The following NRXN1 variants were observed in gnomAD, a reference collection of about 807,000 sequenced individuals.
NRXN1 encodes the protein neurexin 1, also known as neurexin-1.
NRXN1 carries 39 observed loss-of-function variants against 150.9 expected under a neutral mutation model. The observed-to-expected ratio is 0.26, with a 90% CI of 0.20 to 0.34. NRXN1 has a LOEUF of 0.34. Among genes scored for constraint, NRXN1 ranks in the 10% least tolerant of loss-of-function variants. The pLI is 1.00. For synonymous variants in NRXN1, 924 were observed against 757.0 expected (o/e 1.22, Z -3.62); for missense variants, 1,815 against 1,949.9 (o/e 0.93, Z 1.30).
At chr2:49,979,324 G>A (rs1459966238) in intron 21 of NRXN1, among the ~76,000 whole-genome samples, 1 of 151,892 alleles carries the variant, frequency 6.6e-6, no homozygotes, top group African/African-American at 2.4e-5. Flanking sequence ...TAGAGGGAGG[G>A]GAAAAGTTGA....
At chr2:50,369,500 C>A (rs1265866378) in intron 17 of NRXN1, among the ~76,000 whole-genome samples, 1 of 151,776 alleles carries the variant, frequency 6.6e-6, no homozygotes, top group African/African-American at 2.4e-5. Context: ...ATAAATAGGC[C>A]CAAATAATTT....
In NRXN1 at chr2:50,179,917, T is replaced by A. The variant is rs1426557151; in HGVS notation, c.3546+56872A>T. Among the ~76,000 whole-genome samples the A allele has an allele frequency of 2.0e-5, 3 of 152,296 alleles. No homozygotes were observed. The South Asian group carries it at 6.2e-4, about 32-fold the overall frequency. On this transcript the variant is annotated intron_variant, in intron 18 of 22. Transcript: ENST00000401669. ...TACAAATAATCGGTTTGATTTTTCA[T>A]ACCACGATTTTGATTAAGCACTGTG...
At chr2:50,808,131 T>C in intron 5 of NRXN1, among the ~76,000 whole-genome samples, 1 of 152,086 alleles carries the variant, frequency 6.6e-6, no homozygotes, top group East Asian at 1.9e-4. Context: ...GTGTTTAGGA[T>C]TCTCCATGTC....
intron 5 of NRXN1, among the ~76,000 whole-genome samples, chr2:50,883,444 G>A (rs1258348889): frequency 6.8e-6 from 1 of 147,432 alleles, no homozygotes. Flanking sequence ...TGCATTTTAA[G>A]TATTTGTACA....
intron 18 of NRXN1, among the ~76,000 whole-genome samples, chr2:50,173,222 T>G (rs922606884): frequency 6.6e-6 from 1 of 152,158 alleles, no homozygotes; most frequent in Admixed American, 6.5e-5. Context: ...CAGAAAAGAT[T>G]TGAAACTCAT....
At chr2:50,945,518 CTATA>C (rs56782252) in intron 2 of NRXN1, among the ~76,000 whole-genome samples, 33 of 147,216 alleles carry the variant, frequency 2.2e-4, no homozygotes, top group Admixed American at 2.0e-4. Context: ...CTCTCTCTTA[CTATA>C]TATATATATA....
intron 17 of NRXN1, among the ~76,000 whole-genome samples, chr2:50,445,607 T>C (rs1205633972): frequency 6.6e-6 from 1 of 152,244 alleles, no homozygotes. Context: ...TGCTTATCTT[T>C]GTATCCTTAG....
chr2:50,627,638 G>A (rs909639460), intron 5 of NRXN1, among the ~76,000 whole-genome samples: 1 of 114,810 alleles, frequency 8.7e-6, no homozygotes, highest in Admixed American at 8.8e-5. Context: ...ACACACACAC[G>A]AGAGATCCAC....
intron 12 of NRXN1, among the ~76,000 whole-genome samples, chr2:50,528,247 T>C (rs1487513882): frequency 1.3e-5 from 2 of 151,762 alleles, no homozygotes. Context: ...AAGTATTTTT[T>C]TTTGTATTTG....
Position 50,417,592 on chromosome 2 carries a change from T to A in NRXN1, c.3364+47850A>T, listed in dbSNP as rs537584794. ...TTGGTCCAGAAGACAAATTCCAAGC[T>A]CCTACAGAGTCTGATGGCTTTACAA... is the stretch of plus-strand genomic sequence containing the variant. On this transcript the variant is annotated intron_variant, in intron 17 of 22. Transcript: ENST00000401669. Among the ~76,000 whole-genome samples the A allele has an allele frequency of 1.2e-3, 189 of 151,866 alleles. 1 individual carries two copies. Among genetic ancestry groups the A allele is most frequent in the Non-Finnish European group, 1.8e-3 (122 of 67,938 alleles).
At chr2:50,973,927 T>C (rs1404327235) in intron 2 of NRXN1, among the ~76,000 whole-genome samples, 1 of 152,128 alleles carries the variant, frequency 6.6e-6, no homozygotes, top group Non-Finnish European at 1.5e-5. Context: ...TTAAAAACTA[T>C]GGCATGTAAT....
At chr2:50,829,751 T>A (rs540055506) in intron 5 of NRXN1, 1 of 1,574,898 alleles carries the variant, frequency 6.3e-7, no homozygotes. Flanking sequence ...TTGCACGGCA[T>A]GGCCCGCTTA....
At chr2:50,065,316 C>A (rs1194404994) in intron 19 of NRXN1, among the ~76,000 whole-genome samples, 1 of 151,974 alleles carries the variant, frequency 6.6e-6, no homozygotes, top group Non-Finnish European at 1.5e-5. Context: ...GAAAGAGGGA[C>A]CATTTGAATC....
chr2:50,966,491 G>T (rs900366677), intron 2 of NRXN1, among the ~76,000 whole-genome samples: 1 of 151,716 alleles, frequency 6.6e-6, no homozygotes, highest in Admixed American at 6.6e-5. Context: ...TGAGGAAAAG[G>T]TTACATCTCT....
intron 8 of NRXN1, among the ~76,000 whole-genome samples, chr2:50,603,261 G>A (rs985959796): frequency 6.6e-6 from 1 of 152,114 alleles, no homozygotes; most frequent in Non-Finnish European, 1.5e-5. Context: ...ACCAGCTTCA[G>A]GTTTAAAGCA....
intron 5 of NRXN1, among the ~76,000 whole-genome samples, chr2:50,781,509 T>A (rs1359958829): frequency 1.3e-5 from 2 of 151,716 alleles, no homozygotes; most frequent in South Asian, 4.2e-4. Context: ...GGAAGGAGAG[T>A]GATTCAAAGG....
intron 2 of NRXN1, among the ~76,000 whole-genome samples, chr2:50,978,362 T>C: frequency 6.9e-6 from 1 of 145,360 alleles, no homozygotes; most frequent in Non-Finnish European, 1.5e-5. Flanking sequence ...TTTTCCATAG[T>C]AAGCTTTATT....
At chr2:50,168,759 C>A (rs537534903) in intron 18 of NRXN1, among the ~76,000 whole-genome samples, 1 of 152,262 alleles carries the variant, frequency 6.6e-6, no homozygotes, top group African/African-American at 2.4e-5. Context: ...ATGAATGCAA[C>A]CCCAGAAGAA....
chr2:50,198,443 C>A (rs2061916227), intron 18 of NRXN1, among the ~76,000 whole-genome samples: 2 of 152,130 alleles, frequency 1.3e-5, no homozygotes, highest in Admixed American at 1.3e-4. Flanking sequence ...ACTTCCCACA[C>A]TTCCTTCGTA....
Sources: gnomAD v4.1 joint callset for allele counts (sites outside exome capture counted in the v4.1 genomes callset) on GRCh38, gnomAD v4.1.1 for gene constraint, MANE v1.5 for transcripts, NCBI Gene and HGNC (gene_info 2026-07-23, HGNC 2026-07-21) for gene names.